Variants in FAM13A observed in about 807,000 individuals in gnomAD.
FAM13A encodes family with sequence similarity 13 member A.
A neutral mutation model predicts 129.6 loss-of-function variants in FAM13A; 76 were observed. The ratio of observed to expected loss-of-function variants is 0.59; its 90% CI spans 0.49 to 0.71. The LOEUF is 0.71. Among genes scored for constraint, FAM13A ranks in the 30% least tolerant of loss-of-function variants. The probability of loss-of-function intolerance (pLI) is 0.00; values close to 1 mark genes in which losing one functional copy is unlikely to be tolerated. For missense variants in FAM13A, 1,108 were observed against 1,249.3 expected (o/e 0.89, Z 1.70); for synonymous variants, 443 against 449.9 (o/e 0.98, Z 0.20).
chr4:89,052,516 T>TC (rs1579946842), intron 1 of FAM13A, among the ~76,000 whole-genome samples: 1 of 132,858 alleles, frequency 7.5e-6, no homozygotes, highest in East Asian at 2.4e-4. Flanking sequence ...GGCACAGTAG[T>TC]CCCTCCTTTG....
intron 5 of FAM13A, among the ~76,000 whole-genome samples, chr4:88,907,893 T>C (rs1449807925): frequency 6.6e-6 from 1 of 152,206 alleles, no homozygotes; most frequent in Non-Finnish European, 1.5e-5. Flanking sequence ...GATGAGGGAC[T>C]TGGATTCTAA....
chr4:88,887,161 G>A (rs1744560681), intron 6 of FAM13A, among the ~76,000 whole-genome samples: 1 of 145,044 alleles, frequency 6.9e-6, no homozygotes, highest in Admixed American at 6.9e-5. Context: ...GTGGGAGGGG[G>A]CGAGACTACA....
At chr4:88,868,928 C>T (rs925228732) in intron 6 of FAM13A, among the ~76,000 whole-genome samples, 3 of 152,140 alleles carry the variant, frequency 2.0e-5, no homozygotes, top group African/African-American at 7.2e-5. Context: ...TATCTTTGTC[C>T]AGACATCTCT....
intron 4 of FAM13A, among the ~76,000 whole-genome samples, chr4:88,941,101 T>C (rs906987889): frequency 2.6e-5 from 4 of 152,186 alleles, no homozygotes; most frequent in East Asian, 1.9e-4. Flanking sequence ...ATAAAAATCA[T>C]AGGAGACCAT....
intron 4 of FAM13A, among the ~76,000 whole-genome samples, chr4:88,949,396 A>T (rs1579444138): frequency 6.6e-6 from 1 of 152,138 alleles, no homozygotes; most frequent in Non-Finnish European, 1.5e-5. Context: ...ATTTGCAATT[A>T]AAAAAATGCT....
At chr4:88,946,627 A>G (rs1755931761) in intron 4 of FAM13A, among the ~76,000 whole-genome samples, 1 of 152,054 alleles carries the variant, frequency 6.6e-6, no homozygotes, top group South Asian at 2.1e-4. Context: ...GGTATTGGAG[A>G]GATTCAGTTA....
Position 88,880,108 on chromosome 4 carries a change from G to A in FAM13A, c.843+26271C>T, listed in dbSNP as rs184593669. 5.3e-5 allele frequency among the ~76,000 whole-genome samples: 8 copies of A among 152,226 alleles called. No homozygotes were observed. The East Asian group carries it at 1.2e-3, about 22-fold the overall frequency. ...ATCCAAGGGAAGCTCCGACTTAGAA[G>A]GAGAGAGCAGCATGTGGAGACTCAC... On this transcript the variant is annotated intron_variant, in intron 6 of 23. Coordinates refer to ENST00000264344, the MANE Select transcript of FAM13A (RefSeq NM_014883.4).
chr4:89,007,811 A>C lies in FAM13A; in HGVS notation c.427+12649T>G, dbSNP rs116473413. Among the ~76,000 whole-genome samples the C allele has an allele frequency of 5.8e-3, 882 of 152,354 alleles. 10 individuals are homozygous for C. Among genetic ancestry groups the C allele is most frequent in the African/African-American group, 0.02 (844 of 41,586 alleles). On this transcript the variant is annotated intron_variant, in intron 3 of 23. Transcript: ENST00000264344. The stretch of plus-strand genomic sequence containing the variant: ...GCACTTTCTTCAAAATGGAGATTAT[A>C]CTGCCAATATCACATTAGAGCTGGT...
intron 19 of FAM13A, among the ~76,000 whole-genome samples, chr4:88,743,260 T>G (rs1440059052): frequency 6.6e-6 from 1 of 152,180 alleles, no homozygotes; most frequent in African/African-American, 2.4e-5. Context: ...TGGCAAGTCT[T>G]GAACAGAAAT....
chr4:88,934,901 A>T (rs1753607680), intron 5 of FAM13A, among the ~76,000 whole-genome samples: 2 of 152,360 alleles, frequency 1.3e-5, no homozygotes, highest in African/African-American at 4.8e-5. Flanking sequence ...TAAGAGGTCT[A>T]TCCAAAATTT....
chr4:88,905,210 C>T (rs562487148), intron 6 of FAM13A, among the ~76,000 whole-genome samples: 4 of 152,082 alleles, frequency 2.6e-5, no homozygotes, highest in Middle Eastern at 3.4e-3. Context: ...CAGCTCGCTG[C>T]GACCTCTGCT....
intron 1 of FAM13A, among the ~76,000 whole-genome samples, chr4:89,034,116 A>G (rs1769054259): frequency 6.6e-6 from 1 of 152,204 alleles, no homozygotes; most frequent in Admixed American, 6.5e-5. Context: ...CTGCACAGCA[A>G]AAGAAACTAT....
At chr4:88,919,194 A>G (rs912142760) in intron 5 of FAM13A, among the ~76,000 whole-genome samples, 3 of 152,268 alleles carry the variant, frequency 2.0e-5, no homozygotes, top group Non-Finnish European at 1.5e-5. Flanking sequence ...CATCCTGGTT[A>G]GCATACAGTA....
At chr4:88,852,184 A>T (rs184269518) in intron 6 of FAM13A, among the ~76,000 whole-genome samples, 1,605 of 149,224 alleles carry the variant, frequency 0.011, 13 homozygotes, top group Non-Finnish European at 0.016. Flanking sequence ...TTTGAGACAG[A>T]GTCTCGCTCT....
At chr4:88,945,988 G>GTATATATATATATATA (rs1553901158) in intron 4 of FAM13A, among the ~76,000 whole-genome samples, 26 of 13,656 alleles carry the variant, frequency 1.9e-3, no homozygotes, top group African/African-American at 6.7e-3. Flanking sequence ...GTGTGTGTGT[G>GTATATATATATATATA]TGTATATATA....
intron 4 of FAM13A, among the ~76,000 whole-genome samples, chr4:88,945,783 G>GTATATATATATATAAGTATATATATATAT (rs1755582891): frequency 7.9e-6 from 1 of 127,040 alleles, no homozygotes; most frequent in South Asian, 2.5e-4. Flanking sequence ...CTATGTGGTT[G>GTATATATATATATAAGTATATATATATAT]TATATATATA....
In FAM13A at chr4:88,728,640, G is replaced by A. The variant is rs1453829598; in HGVS notation, c.2965C>T (p.Arg989Cys). The change falls in exon 24 of 24, where the codon CGC (arginine) becomes TGC (cysteine). Residue 989 changes from arginine to cysteine, a missense_variant. Coordinates refer to ENST00000264344, the MANE Select transcript of FAM13A (RefSeq NM_014883.4). ...CTGTATTCTTCAGCCATAGGAGTGC[G>A]GTCTTCCTTCTGGACATTTCTAATG... ...QNGRNVQKED[R>C]TPMAEEYSEY... 21 of 1,613,958 alleles carry A rather than the reference G, an allele frequency of 1.3e-5. No individual in the cohort carries two copies. The highest frequency in any genetic ancestry group is 2.2e-5 in the East Asian group (1 of 44,890).
chr4:89,028,682 C>A (rs1322331103), intron 2 of FAM13A, among the ~76,000 whole-genome samples: 1 of 151,526 alleles, frequency 6.6e-6, no homozygotes, highest in Non-Finnish European at 1.5e-5. Flanking sequence ...CAGAGCAAGA[C>A]CCTATCTCTT....
At position 88,732,185 on chromosome 4, in the gene FAM13A, C is replaced by T; in HGVS notation, c.2660G>A (p.Gly887Glu). 6.2e-7 allele frequency: 1 copy of T among 1,604,042 alleles called. No individual in the cohort carries two copies. The highest frequency in any genetic ancestry group is 8.5e-7 in the Non-Finnish European group (1 of 1,174,706). The change falls in exon 22 of 24, where the codon GGG (glycine) becomes GAG (glutamate). Residue 887 changes from glycine (G) to glutamate (E), a missense_variant. Transcript: ENST00000264344. ...CTTCACATTGCTATCGTCTTCTGAC[C>T]CCTCCTCTTCTTCCTGGAGATACAC... is the stretch of plus-strand genomic sequence containing the variant. ...FFKEIKEEEE[G>E]SEDDSNVKPD...
Sources: gnomAD v4.1 joint callset for allele counts (sites outside exome capture counted in the v4.1 genomes callset) on GRCh38, gnomAD v4.1.1 for gene constraint, MANE v1.5 for transcripts, NCBI Gene and HGNC (gene_info 2026-07-23, HGNC 2026-07-21) for gene names.